TENM2: variants seen among roughly 807,000 people sequenced by gnomAD.
The protein encoded by TENM2 is teneurin transmembrane protein 2.
In TENM2, 52 loss-of-function variants were observed where a neutral mutation model predicts 245.2. The observed-to-expected ratio is 0.21, with a 90% CI of 0.17 to 0.27. The LOEUF (loss-of-function observed/expected upper bound fraction) is 0.27. Ranked by LOEUF, TENM2 falls within the 10% of genes least tolerant of loss-of-function variation. The pLI, the probability that TENM2 is intolerant of heterozygous loss-of-function variation, is 1.00. For synonymous variants in TENM2, 1,363 were observed against 1,438.9 expected (o/e 0.95, Z 1.19); for missense variants, 3,046 against 3,666.8 (o/e 0.83, Z 4.37).
the TENM2 span, among the ~76,000 whole-genome samples, chr5:167,033,874 C>A: frequency 1.3e-3 from 200 of 152,242 alleles, 1 homozygote; most frequent in Middle Eastern, 6.8e-3. Context: ...ATGTGTGACT[C>A]AATAAATTTT....
intron 5 of TENM2, among the ~76,000 whole-genome samples, chr5:167,999,125 G>C (rs918372756): frequency 7.9e-5 from 12 of 152,194 alleles, no homozygotes; most frequent in Admixed American, 7.2e-4. Context: ...AAAAATGTCA[G>C]CCCTCTCATT....
chr5:167,407,077 G>A (rs1381261622), intron 2 of TENM2, among the ~76,000 whole-genome samples: 1 of 152,074 alleles, frequency 6.6e-6, no homozygotes, highest in Non-Finnish European at 1.5e-5. Context: ...AAATGAGGAT[G>A]GATTAATTCT....
At chr5:167,653,816 C>G (rs1754645652) in intron 2 of TENM2, 1 of 152,188 alleles carries the variant, frequency 6.6e-6, no homozygotes, top group Admixed American at 6.5e-5. Flanking sequence ...AATCTGAGGG[C>G]TTTTGAAGAA....
intron 2 of TENM2, among the ~76,000 whole-genome samples, chr5:167,566,689 A>T (rs139755056): frequency 6.6e-6 from 1 of 152,318 alleles, no homozygotes; most frequent in African/African-American, 2.4e-5. Context: ...ATTGAGAAAC[A>T]TCAGTAACAA....
intron 2 of TENM2, among the ~76,000 whole-genome samples, chr5:167,457,891 A>C (rs894286185): frequency 3.3e-5 from 5 of 152,206 alleles, no homozygotes; most frequent in Non-Finnish European, 5.9e-5. Context: ...ACTTTCCAGG[A>C]ATCTTTTAAG....
chr5:167,140,661 G>A, the TENM2 span, among the ~76,000 whole-genome samples: 2 of 152,134 alleles, frequency 1.3e-5, no homozygotes, highest in East Asian at 1.9e-4. Flanking sequence ...GTTTTAGGTA[G>A]GATAGGGGTG....
At chr5:167,367,615 C>G (rs1393725698) in intron 1 of TENM2, among the ~76,000 whole-genome samples, 3 of 152,006 alleles carry the variant, frequency 2.0e-5, no homozygotes, top group Non-Finnish European at 4.4e-5. Flanking sequence ...AAATGGTGAT[C>G]ATTAAATATG....
At chr5:168,260,179 C>G (rs375811850) in intron 27 of TENM2, 104 bp from the exon 30 acceptor site, 2 of 1,258,886 alleles carry the variant, frequency 1.6e-6, no homozygotes, top group South Asian at 1.3e-5. Flanking sequence ...CCCCTTTGGG[C>G]CCTACACCCA....
intron 2 of TENM2, among the ~76,000 whole-genome samples, chr5:167,758,780 C>A (rs958994580): frequency 6.6e-6 from 1 of 152,048 alleles, no homozygotes; most frequent in African/African-American, 2.4e-5. Context: ...TTTCCAGAAA[C>A]CTTGACCACA....
At chr5:167,413,253 A>G (rs10475842) in intron 2 of TENM2, among the ~76,000 whole-genome samples, 4,230 of 152,168 alleles carry the variant, frequency 0.028, 201 homozygotes, top group African/African-American at 0.096. Context: ...TCATTGTTTC[A>G]AGGAGGTAAT....
intron 7 of TENM2, among the ~76,000 whole-genome samples, chr5:168,079,564 G>A (rs1448033987): frequency 2.0e-5 from 3 of 152,104 alleles, no homozygotes; most frequent in African/African-American, 4.8e-5. Context: ...TTGGCTGTGG[G>A]TTTGTCATAA....
the TENM2 span, among the ~76,000 whole-genome samples, chr5:167,079,292 T>TTA: frequency 2.5e-4 from 37 of 148,182 alleles, no homozygotes; most frequent in Non-Finnish European, 3.7e-4. Context: ...CACACGCATA[T>TTA]TATATATATA....
At chr5:167,398,412 T>TTCTC (rs1256842755) in intron 2 of TENM2, among the ~76,000 whole-genome samples, 8 of 112,948 alleles carry the variant, frequency 7.1e-5, no homozygotes, top group Admixed American at 2.9e-4. Context: ...CTTTCTTTCT[T>TTCTC]TCTCTCTCTC....
At chr5:167,252,868 C>T in the TENM2 span, among the ~76,000 whole-genome samples, 1 of 152,052 alleles carries the variant, frequency 6.6e-6, no homozygotes, top group South Asian at 2.1e-4. Context: ...TTCAGTTTTT[C>T]CAAAATATCA....
intron 1 of TENM2, among the ~76,000 whole-genome samples, chr5:167,322,863 C>T (rs977156): frequency 0.57 from 87,476 of 152,136 alleles, 25,284 homozygotes; most frequent in Admixed American, 0.63. Context: ...GCTCCGATCA[C>T]TTTGATTTGG....
intron 15 of TENM2, among the ~76,000 whole-genome samples, chr5:168,198,617 A>T (rs1761667905): frequency 6.6e-6 from 1 of 152,174 alleles, no homozygotes; most frequent in South Asian, 2.1e-4. Flanking sequence ...TATTGGTGTA[A>T]TTATTCCCAT....
the TENM2 span, among the ~76,000 whole-genome samples, chr5:167,032,648 G>A: frequency 2.6e-5 from 4 of 152,128 alleles, no homozygotes; most frequent in African/African-American, 7.2e-5. Context: ...TGATAGATAC[G>A]TATGGGAATC....
intron 25 of TENM2, chr5:168,229,595 AAG>A (rs1342312813): frequency 2.0e-5 from 3 of 151,020 alleles, no homozygotes; most frequent in Non-Finnish European, 4.4e-5. Context: ...CAATGGAACA[AAG>A]AAAGAGTTTA....
chr5:167,393,035 T>C (rs1248111298), intron 2 of TENM2, among the ~76,000 whole-genome samples: 2 of 151,440 alleles, frequency 1.3e-5, no homozygotes, highest in African/African-American at 4.9e-5. Context: ...GGCAGGCTAA[T>C]TGCTTCAACC....
Sources: gnomAD v4.1 joint callset for allele counts (sites outside exome capture counted in the v4.1 genomes callset) on GRCh38, gnomAD v4.1.1 for gene constraint, MANE v1.5 for transcripts, NCBI Gene and HGNC (gene_info 2026-07-23, HGNC 2026-07-21) for gene names.